Variants in VWA8 observed in about 807,000 individuals in gnomAD.
The protein encoded by VWA8 is von Willebrand factor A domain containing 8.
VWA8 carries 221 observed loss-of-function variants against 241.5 expected under a neutral mutation model. The observed-to-expected ratio is 0.91, with a 90% CI of 0.82 to 1.02. The LOEUF (loss-of-function observed/expected upper bound fraction) is 1.02. VWA8 is among the 50% of genes least tolerant of loss of function. The probability of loss-of-function intolerance (pLI) is 0.00; values close to 1 mark genes in which losing one functional copy is unlikely to be tolerated. For missense variants in VWA8, 2,322 were observed against 2,328.7 expected (o/e 1.00, Z 0.06); for synonymous variants, 852 against 827.1 (o/e 1.03, Z -0.52).
intron 2 of VWA8, among the ~76,000 whole-genome samples, chr13:41,946,334 A>G (rs1877849983): frequency 6.6e-6 from 1 of 152,172 alleles, no homozygotes; most frequent in Non-Finnish European, 1.5e-5. Flanking sequence ...AATCCACATG[A>G]AGAAATAAAG....
In VWA8 at chr13:41,811,340, C is replaced by A. The variant is rs1418677372; in HGVS notation, c.1948G>T (p.Ala650Ser). The A allele has an allele frequency of 1.2e-6, 2 of 1,605,202 alleles. No individual in the cohort carries two copies. The highest frequency in any genetic ancestry group is 1.7e-5 in the Admixed American group (1 of 59,762). Residue 650 changes from alanine to serine, a missense_variant and splice_region_variant, in exon 17 of 45, where the codon GCA (alanine) becomes TCA (serine). By Grantham distance (99) the Ala-to-Ser change is moderately conservative. Coordinates refer to ENST00000379310, the MANE Select transcript of VWA8 (RefSeq NM_015058.2). ...HKLRETQDPT[A>S]QSLAASLSTR... ...GAAAGTGATGCCGCTAATGATTGTG[C>A]CTATCAAAAGACAAATACATTGTGT...
intron 12 of VWA8, among the ~76,000 whole-genome samples, chr13:41,847,530 G>C (rs989698536): frequency 6.6e-6 from 1 of 152,194 alleles, no homozygotes; most frequent in African/African-American, 2.4e-5. Context: ...CAGCAGGAAG[G>C]GAGAAGGCTG....
intron 2 of VWA8, among the ~76,000 whole-genome samples, chr13:41,923,041 T>A (rs1292409814): frequency 2.6e-5 from 4 of 152,152 alleles, no homozygotes; most frequent in African/African-American, 4.8e-5. Flanking sequence ...AACCCAAATG[T>A]CCATCAATGA....
chr13:41,887,287 GC>G lies in VWA8; in HGVS notation c.725del (p.Gly242AlafsTer12), dbSNP rs765983927. The G allele has an allele frequency of 2.5e-6, 4 of 1,613,602 alleles. No homozygotes were observed. Among genetic ancestry groups the G allele is most frequent in the Middle Eastern group, 1.7e-4 (1 of 6,058 alleles). On this transcript the variant is annotated frameshift_variant, in exon 6 of 45. Transcript: ENST00000379310. LOFTEE classifies it high-confidence loss of function. ...VSENFRVIAL[G>X]LPVPRYSGNP... ...TCCCAGAATACCTTGGCACTGGCAA[GC>G]CCAAGGCAATCACTCGGAAATTTTC...
chr13:41,741,632 C>T (rs2045570211), intron 21 of VWA8, among the ~76,000 whole-genome samples: 1 of 152,114 alleles, frequency 6.6e-6, no homozygotes, highest in Non-Finnish European at 1.5e-5. Context: ...ATTATGCCTT[C>T]AACATTGTAG....
intron 28 of VWA8, among the ~76,000 whole-genome samples, chr13:41,700,850 T>G (rs1468915893): frequency 6.6e-6 from 1 of 152,206 alleles, no homozygotes; most frequent in Admixed American, 6.5e-5. Context: ...AGCCACCACT[T>G]CTGTTTTTAT....
At chr13:41,847,589 G>A (rs1450470882) in intron 12 of VWA8, among the ~76,000 whole-genome samples, 1 of 152,152 alleles carries the variant, frequency 6.6e-6, no homozygotes, top group Non-Finnish European at 1.5e-5. Flanking sequence ...TCTCAACCCT[G>A]GCTGCTGGTT....
At chr13:41,575,891 C>T in intron 42 of VWA8, 53 bp from the exon 43 acceptor site, 1 of 1,334,286 alleles carries the variant, frequency 7.5e-7, no homozygotes, top group South Asian at 1.2e-5. Flanking sequence ...AAAGAACAGT[C>T]ATTAGATCTT....
intron 2 of VWA8, among the ~76,000 whole-genome samples, chr13:41,936,231 T>C (rs1386895786): frequency 1.3e-5 from 2 of 152,176 alleles, no homozygotes; most frequent in Non-Finnish European, 2.9e-5. Flanking sequence ...GCCCAAGTGA[T>C]GTATGAAAGT....
chr13:41,597,273 C>A (rs1364614656), intron 40 of VWA8, among the ~76,000 whole-genome samples: 1 of 151,788 alleles, frequency 6.6e-6, no homozygotes, highest in East Asian at 2.0e-4. Flanking sequence ...GTGTATGACT[C>A]AAACAAATAA....
intron 2 of VWA8, chr13:41,926,855 T>C (rs570585633): frequency 1.2e-5 from 7 of 576,444 alleles, no homozygotes; most frequent in South Asian, 8.3e-5. Flanking sequence ...TTCTTAATGA[T>C]ATCTGTGTGG....
At chr13:41,801,910 A>G (rs918339628) in intron 17 of VWA8, among the ~76,000 whole-genome samples, 1 of 152,234 alleles carries the variant, frequency 6.6e-6, no homozygotes, top group African/African-American at 2.4e-5. Flanking sequence ...TACCTCTGAA[A>G]ATTATTGAAT....
intron 17 of VWA8, among the ~76,000 whole-genome samples, chr13:41,806,937 T>C (rs1483384301): frequency 2.0e-5 from 3 of 147,596 alleles, no homozygotes; most frequent in African/African-American, 5.0e-5. Flanking sequence ...AAAGATAAAA[T>C]TGACAAACCT....
At chr13:41,907,868 A>C (rs920612630) in intron 3 of VWA8, among the ~76,000 whole-genome samples, 172 bp from the exon 4 acceptor site, 6 of 152,236 alleles carry the variant, frequency 3.9e-5, no homozygotes, top group African/African-American at 1.4e-4. Context: ...ATTGAACTTT[A>C]ATCAAAATAT....
At chr13:41,691,514 A>G in intron 31 of VWA8, 69 bp from the exon 32 acceptor site, 1 of 1,540,746 alleles carries the variant, frequency 6.5e-7, no homozygotes, top group Non-Finnish European at 8.8e-7. Flanking sequence ...TGGCATAATC[A>G]TTTCATGATA....
chr13:41,659,242 G>T (rs1424018725), intron 37 of VWA8, among the ~76,000 whole-genome samples: 1 of 152,124 alleles, frequency 6.6e-6, no homozygotes, highest in Non-Finnish European at 1.5e-5. Flanking sequence ...GTGGCTATGG[G>T]TAAGTTATGA....
chr13:41,631,817 T>A (rs1311052571), intron 37 of VWA8, among the ~76,000 whole-genome samples: 1 of 152,086 alleles, frequency 6.6e-6, no homozygotes, highest in Non-Finnish European at 1.5e-5. Flanking sequence ...AAAACAAATG[T>A]TGAAAAATTG....
intron 23 of VWA8, among the ~76,000 whole-genome samples, chr13:41,729,166 C>T (rs2045460821): frequency 6.6e-6 from 1 of 151,366 alleles, no homozygotes; most frequent in Non-Finnish European, 1.5e-5. Flanking sequence ...GTATTCACCA[C>T]ATATATGTGT....
intron 12 of VWA8, among the ~76,000 whole-genome samples, chr13:41,843,346 G>A (rs566495911): frequency 3.3e-5 from 5 of 152,206 alleles, no homozygotes; most frequent in African/African-American, 1.2e-4. Flanking sequence ...ATAAATTCTA[G>A]TTTAAGTATC....
Sources: gnomAD v4.1 joint callset for allele counts (sites outside exome capture counted in the v4.1 genomes callset) on GRCh38, gnomAD v4.1.1 for gene constraint, MANE v1.5 for transcripts, NCBI Gene and HGNC (gene_info 2026-07-23, HGNC 2026-07-21) for gene names.